The following TSC22D1 variants were observed in gnomAD, a reference collection of about 807,000 sequenced individuals.
TSC22D1 encodes TSC22 domain family member 1.
Under a neutral mutation model 74.2 loss-of-function variants are expected in TSC22D1, and 9 were observed. That is an observed-to-expected ratio of 0.12 (90% CI 0.07 to 0.21). The LOEUF (loss-of-function observed/expected upper bound fraction) is 0.21. Among genes scored for constraint, TSC22D1 ranks in the 10% least tolerant of loss-of-function variants. The probability of loss-of-function intolerance (pLI) is 1.00; values close to 1 mark genes in which losing one functional copy is unlikely to be tolerated. For missense variants in TSC22D1, 1,427 were observed against 1,304.7 expected, an observed-to-expected ratio of 1.09 and a Z score of -1.44; for synonymous variants, 586 against 492.5, an observed-to-expected ratio of 1.19 and a Z score of -2.51.
In TSC22D1 at chr13:44,573,692, A is replaced by T; in HGVS notation, c.2383T>A (p.Ser795Thr). ...PQQLVIASQS[S>T]LLTVPPQPQG... is the part of the protein sequence containing the mutation. ...GGCTGGGGAGGCACAGTTAACAAGG[A>T]ACTTTGGGATGCAATAACCAATTGT... The change falls in exon 1 of 3, where the codon TCC becomes ACC. Residue 795 changes from serine (S) to threonine (T), a missense_variant. Transcript: ENST00000458659. The T allele has an allele frequency of 6.2e-7, 1 of 1,614,222 alleles. No homozygotes were observed. Among genetic ancestry groups the T allele is most frequent in the Non-Finnish European group, 8.5e-7 (1 of 1,180,038 alleles).
intron 1 of TSC22D1, 193 bp from the exon 2 acceptor site, chr13:44,436,288 T>TA: frequency 1.1e-6 from 1 of 888,650 alleles, no homozygotes; most frequent in East Asian, 2.6e-5. Flanking sequence ...CTCCCTATTT[T>TA]AGTAAGCCAC....
intron 1 of TSC22D1, among the ~76,000 whole-genome samples, chr13:44,514,815 G>A (rs1595130034): frequency 6.6e-6 from 1 of 152,060 alleles, no homozygotes; most frequent in East Asian, 1.9e-4. Context: ...AGCCGAGATC[G>A]CACCAATGCA....
At chr13:44,561,848 AG>A (rs1883059219) in intron 1 of TSC22D1, among the ~76,000 whole-genome samples, 1 of 152,246 alleles carries the variant, frequency 6.6e-6, no homozygotes, top group African/African-American at 2.4e-5. Flanking sequence ...CAAAAATTAC[AG>A]GAGTAATAGA....
chr13:44,538,741 G>T, intron 1 of TSC22D1: 1 of 985,366 alleles, frequency 1.0e-6, no homozygotes, highest in African/African-American at 1.7e-5. Flanking sequence ...GCTCATCCTT[G>T]TGTCTTCTAG....
At chr13:44,450,080 G>A (rs1186551727) in intron 1 of TSC22D1, among the ~76,000 whole-genome samples, 1 of 152,154 alleles carries the variant, frequency 6.6e-6, no homozygotes. Flanking sequence ...AAGCAGCCTG[G>A]GAGTGTTTCT....
intron 1 of TSC22D1, among the ~76,000 whole-genome samples, chr13:44,439,253 T>C (rs1290680813): frequency 6.6e-6 from 1 of 152,252 alleles, no homozygotes; most frequent in South Asian, 2.1e-4. Context: ...TGAACATGTA[T>C]GTGTGTGTGC....
chr13:44,528,981 AT>A (rs1566155221), intron 1 of TSC22D1, among the ~76,000 whole-genome samples: 1 of 152,122 alleles, frequency 6.6e-6, no homozygotes, highest in African/African-American at 2.4e-5. Flanking sequence ...TGAATCAATC[AT>A]TAATAACCTT....
At chr13:44,542,223 A>G (rs1260345603) in intron 1 of TSC22D1, among the ~76,000 whole-genome samples, 1 of 152,094 alleles carries the variant, frequency 6.6e-6, no homozygotes, top group Admixed American at 6.5e-5. Flanking sequence ...TATATAGGTG[A>G]GTGAAAATAC....
At chr13:44,481,223 T>C (rs1878161676) in intron 1 of TSC22D1, among the ~76,000 whole-genome samples, 1 of 152,164 alleles carries the variant, frequency 6.6e-6, no homozygotes, top group African/African-American at 2.4e-5. Flanking sequence ...AATGGGATCC[T>C]CGGGGCTTGA....
chr13:44,565,754 G>T (rs1883332845), intron 1 of TSC22D1, among the ~76,000 whole-genome samples: 1 of 151,996 alleles, frequency 6.6e-6, no homozygotes, highest in Non-Finnish European at 1.5e-5. Context: ...TCGAGATGGG[G>T]ACTATGTTGC....
At chr13:44,496,057 G>GAATTGTATAAGAGACTTGTATC (rs1380440595) in intron 1 of TSC22D1, among the ~76,000 whole-genome samples, 4 of 152,088 alleles carry the variant, frequency 2.6e-5, no homozygotes, top group Non-Finnish European at 5.9e-5. Context: ...AAATATTTGT[G>GAATTGTATAAGAGACTTGTATC]AATTGTATAA....
At chr13:44,554,967 T>C (rs1882533168) in intron 1 of TSC22D1, among the ~76,000 whole-genome samples, 1 of 152,176 alleles carries the variant, frequency 6.6e-6, no homozygotes, top group South Asian at 2.1e-4. Context: ...TGAACTCAAA[T>C]ATAGTATAAC....
At chr13:44,436,147 T>C (rs1555781) in intron 1 of TSC22D1, 52 bp from the exon 2 acceptor site, 9 of 1,576,084 alleles carry the variant, frequency 5.7e-6, no homozygotes, top group Non-Finnish European at 6.9e-6. Flanking sequence ...TATCTTAAGC[T>C]TCCAAGATAA....
chr13:44,490,358 GTTT>G (rs75742133), intron 1 of TSC22D1, among the ~76,000 whole-genome samples: 4 of 135,990 alleles, frequency 2.9e-5, no homozygotes, highest in Admixed American at 7.4e-5. Flanking sequence ...AGAATGCTAA[GTTT>G]TTTTTTTTTT....
At chr13:44,482,761 A>G (rs1410003536) in intron 1 of TSC22D1, among the ~76,000 whole-genome samples, 1 of 152,212 alleles carries the variant, frequency 6.6e-6, no homozygotes, top group Non-Finnish European at 1.5e-5. Flanking sequence ...CATTACCAAA[A>G]AAGTTATTAG....
At position 44,574,703 on chromosome 13, in the gene TSC22D1, C is replaced by A; in HGVS notation, c.1372G>T (p.Val458Leu). 2 of 1,614,144 alleles carry A rather than the reference C, an allele frequency of 1.2e-6. No individual in the cohort carries two copies. The highest frequency in any genetic ancestry group is 4.5e-5 in the East Asian group (2 of 44,876). The stretch of plus-strand genomic sequence containing the variant: ...CTAGTGCTCTCCCTTTCAGAAGTCA[C>A]TTCTATCGGATTTTGCTTTACAGTC... ...VETVKQNPIE[V>L]TSERESTSGS... The change falls in exon 1 of 3, where the codon GTG becomes TTG. Residue 458 changes from valine (V) to leucine (L), a missense_variant. Coordinates refer to ENST00000458659, the MANE Select transcript of TSC22D1 (RefSeq NM_183422.4).
intron 1 of TSC22D1, among the ~76,000 whole-genome samples, chr13:44,510,262 C>A (rs1002258916): frequency 6.0e-5 from 9 of 151,132 alleles, no homozygotes; most frequent in Non-Finnish European, 1.0e-4. Flanking sequence ...CGTGGTGGCG[C>A]ATGCCTATAA....
intron 1 of TSC22D1, among the ~76,000 whole-genome samples, chr13:44,514,124 G>A (rs894009925): frequency 2.0e-5 from 3 of 152,048 alleles, no homozygotes; most frequent in Admixed American, 6.5e-5. Flanking sequence ...AATATGATCT[G>A]ATGATCTGGA....
intron 1 of TSC22D1, chr13:44,537,598 GT>G: frequency 5.1e-6 from 5 of 984,180 alleles, no homozygotes; most frequent in Non-Finnish European, 6.0e-6. Context: ...ATGGACAGTT[GT>G]TTTTTTTAAT....
Sources: gnomAD v4.1 joint callset for allele counts (sites outside exome capture counted in the v4.1 genomes callset) on GRCh38, gnomAD v4.1.1 for gene constraint, MANE v1.5 for transcripts, NCBI Gene and HGNC (gene_info 2026-07-23, HGNC 2026-07-21) for gene names.